Variants in CCT8 observed in about 807,000 individuals in gnomAD.
The protein encoded by CCT8 is T-complex protein 1 subunit theta.
A neutral mutation model predicts 65.7 loss-of-function variants in CCT8; 10 were observed. The observed-to-expected ratio is 0.15, with a 90% CI of 0.09 to 0.26. CCT8 has a LOEUF of 0.26. Ranked by LOEUF, CCT8 falls within the 10% of genes least tolerant of loss-of-function variation. The probability of loss-of-function intolerance (pLI) is 1.00; values close to 1 mark genes in which losing one functional copy is unlikely to be tolerated. For synonymous variants in CCT8, 199 were observed against 221.8 expected (o/e 0.90, Z 0.92); for missense variants, 568 against 669.1 (o/e 0.85, Z 1.67).
chr21:29,060,409 A>G (rs1373495123), intron 14 of CCT8, 132 bp downstream of exon 14: 7 of 840,024 alleles, frequency 8.3e-6, no homozygotes, highest in South Asian at 2.1e-5. Flanking sequence ...AGGGGGGCAC[A>G]TAGTATCTCT....
In CCT8 at chr21:29,070,959, G is replaced by T. The variant is rs188143544; in HGVS notation, c.61-622C>A. Among the ~76,000 whole-genome samples, 341 of 152,104 alleles carry T rather than the reference G, an allele frequency of 2.2e-3. 1 individual carries two copies. Among genetic ancestry groups the T allele is most frequent in the African/African-American group, 7.8e-3 (324 of 41,522 alleles). The stretch of plus-strand genomic sequence containing the variant: ...AGAGACTGAATACTTTTTTTGAATT[G>T]CAACATTATCCCAATGTATATGTAT... On this transcript the variant is annotated intron_variant, in intron 1 of 14. Coordinates refer to ENST00000286788, the MANE Select transcript of CCT8 (RefSeq NM_006585.4).
intron 3 of CCT8, among the ~76,000 whole-genome samples, chr21:29,068,345 A>G (rs1267834225): frequency 6.6e-6 from 1 of 152,196 alleles, no homozygotes; most frequent in African/African-American, 2.4e-5. Context: ...ATAACTCCTG[A>G]GATCATCAGT....
intron 4 of CCT8, 71 bp from the exon 5 acceptor site, chr21:29,067,142 G>C: frequency 9.9e-7 from 1 of 1,014,396 alleles, no homozygotes; most frequent in Non-Finnish European, 1.4e-6. Context: ...CAATGCATAT[G>C]GATGTTTATT....
rs775628763 is a variant in CCT8, at chr21:29,067,660, G to C, written c.277C>G (p.Gln93Glu). 2.2e-6 allele frequency: 3 copies of C among 1,374,254 alleles called. No individual in the cohort carries two copies. The African/African-American group carries it at 4.5e-5, about 21-fold the overall frequency. The allele number at this position is 1,374,254 out of a possible 1,614,324, so 85.1% of individuals were successfully genotyped here. Reference sequence around the variant, plus strand: ...GTGCCATCTCCAACTTCTTGCTCTTGCATATGAGAAGCCATTACAATCATT... The same window carrying C: ...GTGCCATCTCCAACTTCTTGCTCTTCCATATGAGAAGCCATTACAATCATT... ...AKMIVMASHMQEQEVGDGTNF... is the reference protein window; with the variant it reads ...AKMIVMASHMEEQEVGDGTNF... The change falls in exon 4 of 15, where the codon CAA becomes GAA. Residue 93 changes from glutamine to glutamate, a missense_variant. Physicochemically the swap from Gln to Glu is conservative, Grantham distance 29. Transcript: ENST00000286788.
At chr21:29,072,093 A>G in intron 1 of CCT8, 1 of 631,410 alleles carries the variant, frequency 1.6e-6, no homozygotes, top group Non-Finnish European at 2.8e-6. Flanking sequence ...CCCCTAAGTA[A>G]GAGGTCGGGG....
chr21:29,061,166 T>C (rs2085558660), intron 13 of CCT8, 87 bp downstream of exon 13: 1 of 1,058,158 alleles, frequency 9.5e-7, no homozygotes, highest in African/African-American at 1.6e-5. Flanking sequence ...ACACTGTTTC[T>C]CATTGATATT....
chr21:29,072,760 A>C (rs1353722351), intron 1 of CCT8, among the ~76,000 whole-genome samples: 4 of 152,226 alleles, frequency 2.6e-5, no homozygotes, highest in Non-Finnish European at 4.4e-5. Flanking sequence ...CAAATTTATC[A>C]ATAGTGCAGT....
In CCT8 at chr21:29,056,386, CTTAAT is replaced by C. The variant is rs573233238; in HGVS notation, c.*84_*88del. On this transcript the variant is annotated 3_prime_UTR_variant, in exon 15 of 15. Coordinates refer to ENST00000286788, the MANE Select transcript of CCT8 (RefSeq NM_006585.4). Reference sequence around the variant, plus strand: ...CCAAGAATACAAACACAAAATAACTCTTAATTTAAGGAGAATAAGAAAACATCAGG... The same window carrying C: ...CCAAGAATACAAACACAAAATAACTCTTAAGGAGAATAAGAAAACATCAGG... The C allele has an allele frequency of 3.7e-4, 239 of 640,658 alleles. No individual in the cohort carries two copies. The African/African-American group carries it at 4.0e-3, about 11-fold the overall frequency. 39.7% of individuals were successfully genotyped at this position (640,658 alleles called of 1,614,324 possible). A position where few individuals can be genotyped will look rare whatever the true frequency, so the allele number is the denominator to read the frequency against.
At chr21:29,067,124 T>A in intron 4 of CCT8, 53 bp from the exon 5 acceptor site, 2 of 1,367,874 alleles carry the variant, frequency 1.5e-6, no homozygotes, top group Non-Finnish European at 2.0e-6. Flanking sequence ...TAGCTTATTT[T>A]GGTAACCCAA....
At chr21:29,073,196 C>T in intron 1 of CCT8, 1 of 984,140 alleles carries the variant, frequency 1.0e-6, no homozygotes. Context: ...TTCAATTTCA[C>T]CCTCACAACC....
Position 29,062,478 on chromosome 21 carries a change from C to T in CCT8, c.1008+12G>A. ...TGTTCAACTATCTTTTAGTGTTTTC[C>T]AAAATACATACCAATCTAGGAAGAG... On this transcript the variant is annotated intron_variant, in intron 9 of 14. Transcript: ENST00000286788. 6.2e-7 allele frequency: 1 copy of T among 1,613,320 alleles called. No homozygotes were observed. Among genetic ancestry groups the T allele is most frequent in the Non-Finnish European group, 8.5e-7 (1 of 1,179,422 alleles).
Position 29,073,461 on chromosome 21 carries a change from TC to T in CCT8, c.60+69del. The T allele has an allele frequency of 2.5e-6, 4 of 1,610,588 alleles. No homozygotes were observed. In the South Asian group the frequency reaches 4.4e-5, roughly 18 times the overall value. On this transcript the variant is annotated intron_variant, in intron 1 of 14. Transcript: ENST00000286788. ...GCACGCTCAGCCCGTTAGTAGGCCC[TC>T]CTACTTCGCCGCGGCCGCCGCAGCC...
At position 29,067,024 on chromosome 21, in the gene CCT8, A is replaced by G. The variant is rs372559927; in HGVS notation, c.429T>C (p.Leu143=). 6.2e-6 allele frequency: 10 copies of G among 1,613,318 alleles called. No individual in the cohort carries two copies. In the African/African-American group the frequency reaches 1.3e-4, roughly 22 times the overall value. The part of the protein sequence containing the change: ...EIACRKAHEI[L]PNLVCCSAKN... ...TTGCAGAACAACATACCAAATTAGGAAGAATCTCATGAGCTTTTCTGCAGG... is the reference window on the plus strand; with the variant it reads ...TTGCAGAACAACATACCAAATTAGGGAGAATCTCATGAGCTTTTCTGCAGG... Residue 143 remains leucine, a synonymous_variant, in exon 5 of 15, where the codon CTT becomes CTC. Coordinates refer to ENST00000286788, the MANE Select transcript of CCT8 (RefSeq NM_006585.4).
At chr21:29,059,049 G>T (rs1471226126) in intron 14 of CCT8, among the ~76,000 whole-genome samples, 1 of 152,182 alleles carries the variant, frequency 6.6e-6, no homozygotes, top group Non-Finnish European at 1.5e-5. Flanking sequence ...GCGTAGCTGG[G>T]ACTACAGGTG....
At chr21:29,056,746 A>G (rs953435478) in intron 14 of CCT8, among the ~76,000 whole-genome samples, 194 bp from the exon 15 acceptor site, 1 of 152,254 alleles carries the variant, frequency 6.6e-6, no homozygotes, top group African/African-American at 2.4e-5. Flanking sequence ...CGCATGAGAA[A>G]GTTTACTGCT....
intron 8 of CCT8, among the ~76,000 whole-genome samples, chr21:29,063,028 G>T (rs1255345498): frequency 6.6e-6 from 1 of 152,170 alleles, no homozygotes; most frequent in South Asian, 2.1e-4. Context: ...TGTGTTCATG[G>T]ATTAAAAGGG....
At position 29,064,680 on chromosome 21, in the gene CCT8, A is replaced by G. The variant is rs551408671; in HGVS notation, c.762+288T>C. 2.0e-5 allele frequency among the ~76,000 whole-genome samples: 3 copies of G among 152,320 alleles called. No individual in the cohort carries two copies. In the South Asian group the frequency reaches 6.2e-4, roughly 32 times the overall value. On this transcript the variant is annotated intron_variant, in intron 7 of 14. Transcript: ENST00000286788. The stretch of plus-strand genomic sequence containing the variant: ...GAATGTCAACTTTATTTTCGTGAAG[A>G]GCACACAAAATACTCACATTCTCAT...
intron 14 of CCT8, chr21:29,059,632 C>A (rs909860352): frequency 1.3e-5 from 2 of 152,334 alleles, no homozygotes; most frequent in Admixed American, 6.5e-5. Flanking sequence ...CAAACATATT[C>A]TTCCATTGAA....
At chr21:29,062,871 C>T in intron 8 of CCT8, 1 of 391,946 alleles carries the variant, frequency 2.6e-6, no homozygotes, top group Non-Finnish European at 4.6e-6. Context: ...GAAACCCTTA[C>T]AAAACTCAAC....
Sources: gnomAD v4.1 joint callset for allele counts (sites outside exome capture counted in the v4.1 genomes callset) on GRCh38, gnomAD v4.1.1 for gene constraint, MANE v1.5 for transcripts, NCBI Gene and HGNC (gene_info 2026-07-23, HGNC 2026-07-21) for gene names.